Variants in GNE observed in about 807,000 individuals in gnomAD.
GNE encodes bifunctional UDP-N-acetylglucosamine 2-epimerase/N-acetylmannosamine kinase.
A neutral mutation model predicts 61.8 loss-of-function variants in GNE; 41 were observed. The ratio of observed to expected loss-of-function variants is 0.66; its 90% CI spans 0.52 to 0.86. The LOEUF is 0.86. GNE is among the 40% of genes least tolerant of loss of function. The pLI, the probability that GNE is intolerant of heterozygous loss-of-function variation, is 0.00. For synonymous variants in GNE, 264 were observed against 326.4 expected (o/e 0.81, Z 2.06); for missense variants, 608 against 909.1 (o/e 0.67, Z 4.26).
upstream of GNE, chr9:36,263,440 C>G (rs1830671239): frequency 6.3e-6 from 1 of 158,504 alleles, no homozygotes; most frequent in African/African-American, 2.4e-5. Flanking sequence ...GCCCGGATTA[C>G]AGGTATGAGC....
intron 1 of GNE, among the ~76,000 whole-genome samples, chr9:36,253,070 G>A (rs58929759): frequency 6.6e-6 from 1 of 152,110 alleles, no homozygotes; most frequent in African/African-American, 2.4e-5. Flanking sequence ...GCTGAGGCAG[G>A]AGAATCACTT....
At chr9:36,274,720 C>G (rs990344950) in intron 1 of GNE, among the ~76,000 whole-genome samples, 1 of 143,994 alleles carries the variant, frequency 6.9e-6, no homozygotes, top group Non-Finnish European at 1.5e-5. Context: ...GTTTCACATT[C>G]TTTTTTTTTT....
Position 36,227,477 on chromosome 9 carries a change from C to G in GNE, c.1071-19G>C. ...CTTTGAACTGCAATATACAAAAAGTCAATTAAATTATATGCTTCTGCCATA... is the reference window on the plus strand; with the variant it reads ...CTTTGAACTGCAATATACAAAAAGTGAATTAAATTATATGCTTCTGCCATA... On this transcript the variant is annotated intron_variant, in intron 6 of 11. Transcript: ENST00000642385. 1 of 1,456,636 alleles carries G rather than the reference C, an allele frequency of 6.9e-7. No individual in the cohort carries two copies. Among genetic ancestry groups the G allele is most frequent in the Non-Finnish European group, 9.6e-7 (1 of 1,036,594 alleles). The allele number at this position is 1,456,636 out of a possible 1,614,324, so 90.2% of individuals were successfully genotyped here. A position where few individuals can be genotyped will look rare whatever the true frequency, so the allele number is the denominator to read the frequency against.
At chr9:36,258,211 G>T in intron 1 of GNE, 110 bp downstream of exon 1, 2 of 518,382 alleles carry the variant, frequency 3.9e-6, no homozygotes, top group Non-Finnish European at 5.0e-6. Flanking sequence ...GGGCGCGGTG[G>T]GGTGGAAAGC....
chr9:36,242,492 C>T (rs571593391), intron 3 of GNE, among the ~76,000 whole-genome samples: 2 of 152,316 alleles, frequency 1.3e-5, no homozygotes, highest in African/African-American at 4.8e-5. Flanking sequence ...GATCTCGGCT[C>T]ACTGCAGCCT....
chr9:36,228,793 C>CAAAAAAAA (rs71336431), intron 6 of GNE, among the ~76,000 whole-genome samples: 2 of 72,572 alleles, frequency 2.8e-5, no homozygotes, highest in Non-Finnish European at 5.6e-5. Flanking sequence ...GAGTCCATCT[C>CAAAAAAAA]AAAAAAAAAA....
chr9:36,234,768 C>T (rs150252070), intron 4 of GNE, among the ~76,000 whole-genome samples: 28 of 152,318 alleles, frequency 1.8e-4, no homozygotes, highest in African/African-American at 6.7e-4. Flanking sequence ...GCTAACCTGA[C>T]TGGTTAGAAG....
intron 1 of GNE, among the ~76,000 whole-genome samples, chr9:36,256,508 G>A (rs1284773722): frequency 6.6e-6 from 1 of 152,102 alleles, no homozygotes; most frequent in Non-Finnish European, 1.5e-5. Flanking sequence ...GCCTCCCAAA[G>A]TGCTGGGATT....
chr9:36,223,723 A>G (rs1828718099), intron 7 of GNE, among the ~76,000 whole-genome samples: 1 of 151,576 alleles, frequency 6.6e-6, no homozygotes, highest in Admixed American at 6.6e-5. Context: ...TGAAGCAATG[A>G]CAACTCCACA....
intron 1 of GNE, among the ~76,000 whole-genome samples, chr9:36,274,451 C>T (rs1427911751): frequency 6.6e-6 from 1 of 152,004 alleles, no homozygotes. Flanking sequence ...CCCTCTTTTT[C>T]CAACTGCCCA....
At chr9:36,255,621 G>A (rs1245504217) in intron 1 of GNE, among the ~76,000 whole-genome samples, 4 of 152,106 alleles carry the variant, frequency 2.6e-5, no homozygotes, top group Non-Finnish European at 5.9e-5. Context: ...GACAGAGTGA[G>A]ACCCTATCTT....
intron 8 of GNE, 32 bp downstream of exon 8, chr9:36,223,341 G>C: frequency 6.3e-7 from 1 of 1,587,700 alleles, no homozygotes; most frequent in Non-Finnish European, 8.7e-7. Flanking sequence ...ATTAAAATGA[G>C]CATTTCTTGG....
At chr9:36,234,182 A>G (rs1201956061) in intron 4 of GNE, 50 bp from the exon 5 acceptor site, 3 of 1,442,710 alleles carry the variant, frequency 2.1e-6, no homozygotes, top group African/African-American at 2.8e-5. Context: ...AGATAAAGAA[A>G]CCATTTTCAT....
intron 5 of GNE, among the ~76,000 whole-genome samples, chr9:36,230,595 C>T (rs1173470024): frequency 6.6e-6 from 1 of 151,842 alleles, no homozygotes; most frequent in East Asian, 1.9e-4. Flanking sequence ...TAACTAGGAC[C>T]ACAGGCGCAT....
chr9:36,216,359 G>GTGT lies in GNE; in HGVS notation c.*1005_*1006insACA. 5.0e-6 allele frequency: 2 copies of GTGT among 400,528 alleles called. No individual in the cohort carries two copies. Among genetic ancestry groups the GTGT allele is most frequent in the African/African-American group, 2.1e-5 (1 of 47,618 alleles). The allele number at this position is 400,528 out of a possible 1,614,324, so 24.8% of individuals were successfully genotyped here. On this transcript the variant is annotated 3_prime_UTR_variant, in exon 12 of 12. Coordinates refer to ENST00000642385, the MANE Select transcript of GNE (RefSeq NM_005476.7). Reference sequence around the variant, plus strand: ...TGTGTGTGTGTGTGTGTGTGTAGACGGAGTCTCGCTCTGTCACCCAGGGTG... The same window carrying GTGT: ...TGTGTGTGTGTGTGTGTGTGTAGACGTGTGAGTCTCGCTCTGTCACCCAGGGTG...
Position 36,234,201 on chromosome 9 carries a change from A to G in GNE, c.770-69T>C, listed in dbSNP as rs1829301351. On this transcript the variant is annotated intron_variant, in intron 4 of 11. Transcript: ENST00000642385. ...AAAGAAACCATTTTCATTGGCAAGT[A>G]TAGCCCACGTAAAGAAATCTCCCTA... 5 of 1,191,650 alleles carry G rather than the reference A, an allele frequency of 4.2e-6. No homozygotes were observed. The African/African-American group carries it at 6.0e-5, about 14-fold the overall frequency. The allele number at this position is 1,191,650 out of a possible 1,614,324, so 73.8% of individuals were successfully genotyped here.
intron 5 of GNE, among the ~76,000 whole-genome samples, chr9:36,231,564 G>C (rs1275152389): frequency 1.3e-5 from 2 of 152,162 alleles, no homozygotes; most frequent in Non-Finnish European, 2.9e-5. Flanking sequence ...CAACTTTCAG[G>C]TCTTGCCTTT....
intron 5 of GNE, among the ~76,000 whole-genome samples, chr9:36,230,709 G>C (rs1829106519): frequency 6.6e-6 from 1 of 151,006 alleles, no homozygotes; most frequent in Non-Finnish European, 1.5e-5. Flanking sequence ...GCCCAGGCTG[G>C]AGTGCAGTGG....
In GNE at chr9:36,222,900, G is replaced by A. The variant is rs748005215; in HGVS notation, c.1510C>T (p.Leu504Phe). The change falls in exon 9 of 12, where the codon CTT becomes TTT. Residue 504 changes from leucine to phenylalanine, a missense_variant. Transcript: ENST00000642385. ...ACAGGGAGATGCAAAGTGTCAGAAA[G>A]GGGGGTCCTAAGGTCCACAGAGTTC... ...EWNSVDLRTP[L>F]SDTLHLPVWV... 6.2e-7 allele frequency: 1 copy of A among 1,614,100 alleles called. No individual in the cohort carries two copies. The highest frequency in any genetic ancestry group is 1.7e-5 in the Admixed American group (1 of 60,028).
Sources: allele counts gnomAD v4.1 joint callset (sites outside exome capture counted in the v4.1 genomes callset), GRCh38; gene constraint gnomAD v4.1.1; transcripts MANE v1.5; gene names NCBI Gene and HGNC (gene_info 2026-07-23, HGNC 2026-07-21).